The following SLC9B2 variants were observed in gnomAD, a reference collection of about 807,000 sequenced individuals.
The protein encoded by SLC9B2 is solute carrier family 9 member B2.
SLC9B2 carries 39 observed loss-of-function variants against 52.2 expected under a neutral mutation model. That is an observed-to-expected ratio of 0.75 (90% CI 0.58 to 0.98). SLC9B2 has a LOEUF of 0.98. SLC9B2 is among the 50% of genes least tolerant of loss of function. The pLI, the probability that SLC9B2 is intolerant of heterozygous loss-of-function variation, is 0.00. For synonymous variants in SLC9B2, 214 were observed against 227.0 expected, an observed-to-expected ratio of 0.94 and a Z score of 0.51; for missense variants, 626 against 637.5, an observed-to-expected ratio of 0.98 and a Z score of 0.19.
rs561493190 is a variant in SLC9B2 at position 103,037,245 on chromosome 4, AAT to A, written c.1147-5439_1147-5438del. Reference sequence around the variant, plus strand: ...GTAGATTACAATTATTTCAATGTTTAATCTTCACAGTGTTTTGGTTTTTATTC... The same window carrying A: ...GTAGATTACAATTATTTCAATGTTTACTTCACAGTGTTTTGGTTTTTATTC... On this transcript the variant is annotated intron_variant, in intron 9 of 11. Transcript: ENST00000394785. Among the ~76,000 whole-genome samples the A allele has an allele frequency of 1.8e-4, 28 of 151,866 alleles. No individual in the cohort carries two copies. The South Asian group carries it at 5.6e-3, about 30-fold the overall frequency.
downstream of SLC9B2, chr4:103,020,224 A>G: frequency 7.6e-6 from 3 of 394,632 alleles, no homozygotes; most frequent in South Asian, 5.6e-5. Flanking sequence ...AACACTTAAT[A>G]TACTGTTATC....
chr4:103,030,323 G>T (rs1207601281), intron 10 of SLC9B2, among the ~76,000 whole-genome samples: 1 of 152,174 alleles, frequency 6.6e-6, no homozygotes, highest in East Asian at 1.9e-4. Context: ...TACATATGGT[G>T]TAAGGAAAGG....
At chr4:103,047,859 T>G (rs972708326) in intron 6 of SLC9B2, among the ~76,000 whole-genome samples, 1 of 152,162 alleles carries the variant, frequency 6.6e-6, no homozygotes, top group African/African-American at 2.4e-5. Flanking sequence ...TGTGTAAAAC[T>G]TCTACAGAAC....
chr4:103,048,974 G>A lies in SLC9B2; in HGVS notation c.632C>T (p.Pro211Leu), dbSNP rs750501612. Residue 211 changes from proline to leucine, a missense_variant, in exon 6 of 12, where the codon CCC becomes CTC. Physicochemically the swap from Pro to Leu is moderately conservative, Grantham distance 98 (BLOSUM62 -3). Coordinates refer to ENST00000394785, the MANE Select transcript of SLC9B2 (RefSeq NM_178833.7). Reference protein sequence around the residue: ...KGVCVRLSMGPCIVEACTSAL... With the variant: ...KGVCVRLSMGLCIVEACTSAL... ...AGATGTGCACGCCTCCACAATACAGGGACCCATGGACAGTCTTACACAAAC... is the reference window on the plus strand; with the variant it reads ...AGATGTGCACGCCTCCACAATACAGAGACCCATGGACAGTCTTACACAAAC... 1 of 1,613,850 alleles carries A rather than the reference G, an allele frequency of 6.2e-7. No individual in the cohort carries two copies. The highest frequency in any genetic ancestry group is 1.1e-5 in the South Asian group (1 of 91,056).
At chr4:103,031,852 T>G in intron 9 of SLC9B2, 44 bp from the exon 10 acceptor site, 1 of 1,551,300 alleles carries the variant, frequency 6.4e-7, no homozygotes, top group Non-Finnish European at 8.9e-7. Context: ...TTATGTGAAG[T>G]TACAAATGCA....
chr4:103,027,005 G>C (rs893796604), intron 11 of SLC9B2, among the ~76,000 whole-genome samples: 5 of 152,184 alleles, frequency 3.3e-5, no homozygotes, highest in African/African-American at 1.2e-4. Flanking sequence ...AGCCTCCCAA[G>C]TGCTGGGATT....
chr4:103,036,438 G>A (rs7662527), intron 9 of SLC9B2, among the ~76,000 whole-genome samples: 1,594 of 151,986 alleles, frequency 0.01, 19 homozygotes, highest in African/African-American at 0.033. Flanking sequence ...TGACAAAATT[G>A]TCTGTACTCC....
intron 2 of SLC9B2, 137 bp from the exon 3 acceptor site, chr4:103,066,644 CT>C: frequency 1.3e-6 from 1 of 746,432 alleles, no homozygotes; most frequent in Non-Finnish European, 2.1e-6. Flanking sequence ...AAACTCACAG[CT>C]TTATTACTAG....
rs575038467 is a variant in SLC9B2 at position 103,044,272 on chromosome 4, C to T, written c.996+618G>A. On this transcript the variant is annotated intron_variant, in intron 8 of 11. Coordinates refer to ENST00000394785, the MANE Select transcript of SLC9B2 (RefSeq NM_178833.7). ...GAAATCTCTTTATGAACTATTTTGTCGGTTGTACTAGAGCAGTGTTTTCCA... is the reference window on the plus strand; with the variant it reads ...GAAATCTCTTTATGAACTATTTTGTTGGTTGTACTAGAGCAGTGTTTTCCA... Among the ~76,000 whole-genome samples the T allele has an allele frequency of 9.9e-5, 15 of 152,172 alleles. 1 individual carries two copies. In the East Asian group the frequency reaches 2.1e-3, roughly 22 times the overall value.
rs763817345 is a variant in SLC9B2, at chr4:103,057,794, C to G, written c.442+7G>C. 4.3e-6 allele frequency: 7 copies of G among 1,612,076 alleles called. No homozygotes were observed. In the East Asian group the frequency reaches 1.3e-4, roughly 31 times the overall value. ...TCTGGATAGAACAGGAAACATTTAG[C>G]ACTTACCAAGAAGAGAAGGCAGTGG... On this transcript the variant is annotated splice_region_variant and intron_variant, in intron 4 of 11. Coordinates refer to ENST00000394785, the MANE Select transcript of SLC9B2 (RefSeq NM_178833.7).
intron 9 of SLC9B2, among the ~76,000 whole-genome samples, chr4:103,037,837 T>C (rs1302482642): frequency 1.3e-5 from 2 of 152,106 alleles, no homozygotes; most frequent in African/African-American, 4.8e-5. Flanking sequence ...TTTAGTTTTT[T>C]GAGTATATTA....
intron 9 of SLC9B2, among the ~76,000 whole-genome samples, chr4:103,036,679 C>T (rs568261273): frequency 6.7e-6 from 1 of 148,998 alleles, no homozygotes; most frequent in South Asian, 2.1e-4. Flanking sequence ...GGGAACACCA[C>T]ATTGGAAAAA....
chr4:103,060,852 G>T (rs1745578595), intron 3 of SLC9B2, among the ~76,000 whole-genome samples: 1 of 152,096 alleles, frequency 6.6e-6, no homozygotes, highest in African/African-American at 2.4e-5. Flanking sequence ...TGTGAAATTG[G>T]AGACAAATCA....
At chr4:103,072,429 G>A (rs1242180373) in intron 1 of SLC9B2, among the ~76,000 whole-genome samples, 2 of 152,148 alleles carry the variant, frequency 1.3e-5, no homozygotes, top group Non-Finnish European at 2.9e-5. Context: ...CAAATGGAAC[G>A]ACTAAGGTGG....
At chr4:103,058,473 C>G (rs1266193110) in intron 3 of SLC9B2, among the ~76,000 whole-genome samples, 1 of 152,220 alleles carries the variant, frequency 6.6e-6, no homozygotes, top group Non-Finnish European at 1.5e-5. Flanking sequence ...TCATGGCTCA[C>G]TACAGCCTCA....
rs971214954 is a variant in SLC9B2 at position 103,025,012 on chromosome 4, G to A, written c.*1358C>T. On this transcript the variant is annotated 3_prime_UTR_variant, in exon 12 of 12. Transcript: ENST00000394785. ...TGTAAGAATATGCTACTGAATGATG[G>A]TAACATCCAACACAGTGGAAGCTCT... Among the ~76,000 whole-genome samples the A allele has an allele frequency of 6.6e-5, 10 of 152,172 alleles. No individual in the cohort carries two copies. The highest frequency in any genetic ancestry group is 3.3e-4 in the Admixed American group (5 of 15,272).
At chr4:103,044,424 A>G (rs1743921330) in intron 8 of SLC9B2, among the ~76,000 whole-genome samples, 1 of 152,156 alleles carries the variant, frequency 6.6e-6, no homozygotes, top group Non-Finnish European at 1.5e-5. Flanking sequence ...GTATGCATGT[A>G]TGTATTAGAT....
At chr4:103,051,665 A>C (rs1220693014) in intron 4 of SLC9B2, among the ~76,000 whole-genome samples, 2 of 152,206 alleles carry the variant, frequency 1.3e-5, no homozygotes, top group Non-Finnish European at 2.9e-5. Flanking sequence ...ACTGTACCCC[A>C]ACTGCAACCT....
chr4:103,052,159 G>A (rs1377945452), intron 4 of SLC9B2, among the ~76,000 whole-genome samples: 3 of 152,232 alleles, frequency 2.0e-5, no homozygotes, highest in Non-Finnish European at 2.9e-5. Flanking sequence ...ACTGATGGCA[G>A]GGGGAATGGT....
Sources: gnomAD v4.1 joint callset for allele counts (sites outside exome capture counted in the v4.1 genomes callset) on GRCh38, gnomAD v4.1.1 for gene constraint, MANE v1.5 for transcripts, NCBI Gene and HGNC (gene_info 2026-07-23, HGNC 2026-07-21) for gene names.